The following NCEH1 variants were observed in gnomAD, a reference collection of about 807,000 sequenced individuals.
NCEH1 encodes the protein 2-acetyl MAGE hydrolase.
In NCEH1, 9 loss-of-function variants were observed where a neutral mutation model predicts 25.4. The ratio of observed to expected loss-of-function variants is 0.35; its 90% CI spans 0.21 to 0.62. The LOEUF is 0.62. Among genes scored for constraint, NCEH1 ranks in the 20% least tolerant of loss-of-function variants. The probability of loss-of-function intolerance (pLI) is 0.72; values close to 1 mark genes in which losing one functional copy is unlikely to be tolerated. For synonymous variants in NCEH1, 200 were observed against 199.8 expected (o/e 1.00, Z -0.01); for missense variants, 412 against 501.1 (o/e 0.82, Z 1.70).
intron 1 of NCEH1, among the ~76,000 whole-genome samples, chr3:172,695,542 T>C (rs1713306326): frequency 6.6e-6 from 1 of 152,234 alleles, no homozygotes. Flanking sequence ...AGATATTTAA[T>C]TAACCTCTTT....
rs758017889 is a variant in NCEH1 at position 172,634,010 on chromosome 3, G to A, written c.692C>T (p.Thr231Ile). 1 of 1,614,182 alleles carries A rather than the reference G, an allele frequency of 6.2e-7. No individual in the cohort carries two copies. Among genetic ancestry groups the A allele is most frequent in the South Asian group, 1.1e-5 (1 of 91,084 alleles). ...YPVLQALDFN[T>I]PSYQQNVNTP... ...GTTCACATTTTGCTGATAAGATGGT[G>A]TGTTAAAATCTAAAGCTTGAAGAAC... Residue 231 changes from threonine (T) to isoleucine (I), a missense_variant, in exon 5 of 5, where the codon ACA (threonine) becomes ATA (isoleucine). This residue lies in a region of NCEH1 where 210 missense variants were observed against 258.2 expected (regional missense o/e 0.81). Transcript: ENST00000475381.
Position 172,633,347 on chromosome 3 carries a change from A to T in NCEH1, c.*128T>A. On this transcript the variant is annotated 3_prime_UTR_variant, in exon 5 of 5. Coordinates refer to ENST00000475381, the MANE Select transcript of NCEH1 (RefSeq NM_020792.6). ...TTATCATAAAGACTTCAGTTATGGA[A>T]TAGAAATTCCATAACTCGCAAGTAG... 1.1e-6 allele frequency: 1 copy of T among 895,654 alleles called. No individual in the cohort carries two copies. The highest frequency in any genetic ancestry group is 2.6e-5 in the Admixed American group (1 of 38,086). 55.5% of individuals were successfully genotyped at this position (895,654 alleles called of 1,614,324 possible).
rs183498646 is a variant in NCEH1 at position 172,690,703 on chromosome 3, C to A, written c.138+20144G>T. Among the ~76,000 whole-genome samples, 5 of 152,222 alleles carry A rather than the reference C, an allele frequency of 3.3e-5. No homozygotes were observed. The East Asian group carries it at 9.6e-4, about 29-fold the overall frequency. On this transcript the variant is annotated intron_variant, in intron 1 of 4. Coordinates refer to ENST00000475381, the MANE Select transcript of NCEH1 (RefSeq NM_020792.6). ...TAGTTAGGTTTAAAAATGACACAAG[C>A]TCTAATGCATCCATTACAAAAGATG...
At chr3:172,643,691 G>T (rs903072885) in intron 3 of NCEH1, among the ~76,000 whole-genome samples, 1 of 152,192 alleles carries the variant, frequency 6.6e-6, no homozygotes, top group Non-Finnish European at 1.5e-5. Flanking sequence ...ACGGTTTAGG[G>T]CATGTGGCCA....
chr3:172,638,909 T>C (rs3932352), intron 3 of NCEH1, among the ~76,000 whole-genome samples: 60,619 of 152,062 alleles, frequency 0.4, 13,340 homozygotes, highest in East Asian at 0.58. Flanking sequence ...TGCAAGAGTG[T>C]TCCTGGTGCC....
At chr3:172,653,767 T>TG (rs1560186667) in intron 1 of NCEH1, among the ~76,000 whole-genome samples, 4 of 84,790 alleles carry the variant, frequency 4.7e-5, no homozygotes, top group Non-Finnish European at 7.3e-5. Flanking sequence ...TTTGTTTTTT[T>TG]TTTTTTTTGA....
chr3:172,664,542 T>C (rs1718117443), intron 1 of NCEH1, among the ~76,000 whole-genome samples: 1 of 152,228 alleles, frequency 6.6e-6, no homozygotes, highest in Admixed American at 6.5e-5. Flanking sequence ...CTGGATAATA[T>C]CCTGCAGAGT....
chr3:172,662,564 G>A (rs1718018807), intron 1 of NCEH1, among the ~76,000 whole-genome samples: 1 of 152,158 alleles, frequency 6.6e-6, no homozygotes, highest in African/African-American at 2.4e-5. Flanking sequence ...TTGTACCTCT[G>A]GTAGAATTTG....
chr3:172,671,591 GTATA>G (rs1159991885), intron 1 of NCEH1, among the ~76,000 whole-genome samples: 4 of 151,508 alleles, frequency 2.6e-5, no homozygotes, highest in Admixed American at 1.3e-4. Context: ...CTACATGTGT[GTATA>G]TATATTTACA....
At chr3:172,693,927 T>TCACTGTCACCCAGGCTGGTGCAGTGGCCC (rs200395688) in intron 1 of NCEH1, among the ~76,000 whole-genome samples, 2 of 152,332 alleles carry the variant, frequency 1.3e-5, no homozygotes, top group African/African-American at 2.4e-5. Flanking sequence ...AGACAGGGTC[T>TCACTGTCACCCAGGCTGGTGCAGTGGCCC]CACTGTCACC....
At chr3:172,700,335 A>G (rs571865254) in intron 1 of NCEH1, among the ~76,000 whole-genome samples, 5 of 152,304 alleles carry the variant, frequency 3.3e-5, no homozygotes, top group African/African-American at 1.2e-4. Flanking sequence ...AAATAAGAAG[A>G]AGCACTGATA....
At chr3:172,663,158 A>G (rs536951106) in intron 1 of NCEH1, among the ~76,000 whole-genome samples, 6 of 151,832 alleles carry the variant, frequency 4.0e-5, no homozygotes, top group East Asian at 3.9e-4. Flanking sequence ...CTGGTATGTC[A>G]TGTCTTTGTT....
At chr3:172,681,333 A>G (rs534448522) in intron 1 of NCEH1, 7 of 152,344 alleles carry the variant, frequency 4.6e-5, no homozygotes, top group African/African-American at 1.7e-4. Flanking sequence ...TTAAAATACA[A>G]TATAAACCTA....
chr3:172,706,113 TTGGCACAACAGTCTCCCAAAGTGC>T (rs1713970435), intron 1 of NCEH1, among the ~76,000 whole-genome samples: 3 of 151,828 alleles, frequency 2.0e-5, no homozygotes, highest in African/African-American at 7.3e-5. Flanking sequence ...TAATGGGGGT[TTGGCACAACAGTCTCCCAAAGTGC>T]TGGGGTTACA....
intron 1 of NCEH1, among the ~76,000 whole-genome samples, chr3:172,689,522 C>G (rs906945659): frequency 1.3e-5 from 2 of 150,936 alleles, no homozygotes; most frequent in Admixed American, 6.6e-5. Context: ...GCTGGGATTA[C>G]AGGCATGAGC....
intron 1 of NCEH1, among the ~76,000 whole-genome samples, chr3:172,685,065 C>T (rs759613600): frequency 1.3e-5 from 2 of 151,414 alleles, no homozygotes; most frequent in Non-Finnish European, 2.9e-5. Context: ...GAGGCCAAGG[C>T]GGGTGGACTG....
chr3:172,647,901 C>T lies in NCEH1; in HGVS notation c.352G>A (p.Ala118Thr). ...CAGGACGCACTTGCACTTGCCAAGGCCCAGCCTCCTCCGTGGATATAAACG... is the reference window on the plus strand; with the variant it reads ...CAGGACGCACTTGCACTTGCCAAGGTCCAGCCTCCTCCGTGGATATAAACG... ...SVVYIHGGGW[A>T]LASAKIRYYD... The change falls in exon 2 of 5, where the codon GCC becomes ACC. Residue 118 changes from alanine to threonine, a missense_variant. Ala to Thr is a moderately conservative substitution (Grantham distance 58). Around this residue, in one of 3 missense-constraint regions of NCEH1, gnomAD observed 178 missense variants for 189.2 expected, o/e 0.94. Transcript: ENST00000475381. 6.2e-7 allele frequency: 1 copy of T among 1,614,142 alleles called. No individual in the cohort carries two copies. The highest frequency in any genetic ancestry group is 8.5e-7 in the Non-Finnish European group (1 of 1,180,034).
chr3:172,661,774 G>C (rs1717982924), intron 1 of NCEH1, among the ~76,000 whole-genome samples: 3 of 122,062 alleles, frequency 2.5e-5, no homozygotes, highest in African/African-American at 8.1e-5. Context: ...CTCTCTGTTT[G>C]TCTCTTATTG....
At chr3:172,675,335 A>AAATAAATTAATTAATTAATT (rs1553835626) in intron 1 of NCEH1, among the ~76,000 whole-genome samples, 1 of 137,528 alleles carries the variant, frequency 7.3e-6, no homozygotes, top group African/African-American at 2.8e-5. Context: ...ATAAATAAAT[A>AAATAAATTAATTAATTAATT]AATAAATGAT....
Sources: allele counts gnomAD v4.1 joint callset (sites outside exome capture counted in the v4.1 genomes callset), GRCh38; gene constraint gnomAD v4.1.1; regional missense constraint gnomAD v4.1.1; transcripts MANE v1.5; gene names NCBI Gene and HGNC (gene_info 2026-07-23, HGNC 2026-07-21).